Variants in DCC observed in about 807,000 individuals in gnomAD.
The protein encoded by DCC is netrin receptor DCC.
DCC carries 58 observed loss-of-function variants against 172.5 expected under a neutral mutation model. The ratio of observed to expected loss-of-function variants is 0.34; its 90% confidence interval spans 0.27 to 0.42. DCC has a LOEUF of 0.42. Among genes scored for constraint, DCC ranks in the 10% least tolerant of loss-of-function variants. The pLI is 1.00. For missense variants in DCC, 1,740 were observed against 1,791.0 expected (o/e 0.97, Z 0.51); for synonymous variants, 709 against 644.5 (o/e 1.10, Z -1.52).
intron 1 of DCC, among the ~76,000 whole-genome samples, chr18:52,437,034 C>T (rs774875285): frequency 1.3e-5 from 2 of 152,216 alleles, no homozygotes; most frequent in Non-Finnish European, 2.9e-5. Context: ...CCTAGTGTTA[C>T]TGGAAATTGA....
Position 52,340,776 on chromosome 18 carries a change from G to A in DCC, c.-12G>A. ...GCCCGCGACCCCTGGCCCCGAAGGT[G>A]TTGGCTGAAATATGGAGAATAGTCT... On this transcript the variant is annotated 5_prime_UTR_variant, in exon 1 of 29. Transcript: ENST00000442544. 6.2e-7 allele frequency: 1 copy of A among 1,612,408 alleles called. No individual in the cohort carries two copies. The highest frequency in any genetic ancestry group is 8.5e-7 in the Non-Finnish European group (1 of 1,178,490).
intron 12 of DCC, among the ~76,000 whole-genome samples, chr18:53,302,966 T>C (rs551731275): frequency 2.1e-4 from 32 of 152,338 alleles, no homozygotes; most frequent in African/African-American, 7.2e-4. Context: ...ATTTATTTTG[T>C]TTAATATTCC....
intron 3 of DCC, among the ~76,000 whole-genome samples, chr18:52,912,562 C>CTT (rs1429203663): frequency 1.5e-4 from 23 of 151,962 alleles, no homozygotes; most frequent in African/African-American, 5.6e-4. Context: ...TAACTTATTG[C>CTT]TACATGATTT....
At chr18:52,817,088 G>T (rs2038314161) in intron 2 of DCC, among the ~76,000 whole-genome samples, 1 of 151,902 alleles carries the variant, frequency 6.6e-6, no homozygotes, top group Admixed American at 6.6e-5. Context: ...TATATCCCTT[G>T]ATCCAAATTA....
chr18:52,493,588 ATTATT>A (rs150462704), intron 1 of DCC, among the ~76,000 whole-genome samples: 8,682 of 151,946 alleles, frequency 0.057, 300 homozygotes, highest in South Asian at 0.12. Flanking sequence ...GTTCATATAT[ATTATT>A]TTATTTGTTT....
intron 14 of DCC, among the ~76,000 whole-genome samples, chr18:53,332,732 G>A (rs1044081810): frequency 1.3e-5 from 2 of 152,120 alleles, no homozygotes; most frequent in Non-Finnish European, 2.9e-5. Context: ...TTTTGGCAGT[G>A]ATGGGATTTT....
intron 1 of DCC, among the ~76,000 whole-genome samples, chr18:52,427,771 A>G (rs1987477520): frequency 6.6e-6 from 1 of 151,352 alleles, no homozygotes; most frequent in Non-Finnish European, 1.5e-5. Flanking sequence ...CTTCTTCCTC[A>G]TAGAAATCAG....
At chr18:52,375,903 A>C (rs1321537159) in intron 1 of DCC, among the ~76,000 whole-genome samples, 1 of 152,224 alleles carries the variant, frequency 6.6e-6, no homozygotes, top group Admixed American at 6.5e-5. Flanking sequence ...TGGGGTGCTA[A>C]GTCACAGAGA....
intron 1 of DCC, among the ~76,000 whole-genome samples, chr18:52,605,857 C>A (rs1244042588): frequency 6.6e-6 from 1 of 152,032 alleles, no homozygotes; most frequent in African/African-American, 2.4e-5. Context: ...CCTCTGACAC[C>A]AGTCAGTAAT....
At chr18:52,679,731 G>A (rs1297016825) in intron 1 of DCC, among the ~76,000 whole-genome samples, 1 of 152,054 alleles carries the variant, frequency 6.6e-6, no homozygotes, top group African/African-American at 2.4e-5. Flanking sequence ...GAATCTATAA[G>A]TCTTTCTTGG....
chr18:53,429,983 T>C (rs1028709594), intron 21 of DCC, among the ~76,000 whole-genome samples: 1 of 152,118 alleles, frequency 6.6e-6, no homozygotes, highest in Admixed American at 6.6e-5. Flanking sequence ...AAAATCAGCA[T>C]TGTTATCAAC....
intron 1 of DCC, among the ~76,000 whole-genome samples, chr18:52,672,018 C>A (rs75592894): frequency 0.012 from 1,844 of 152,260 alleles, 48 homozygotes; most frequent in African/African-American, 0.042. Context: ...TTCTCCCTAT[C>A]TCCATCCCAG....
At chr18:52,830,294 G>GT (rs148487365) in intron 2 of DCC, among the ~76,000 whole-genome samples, 5 of 152,204 alleles carry the variant, frequency 3.3e-5, no homozygotes, top group South Asian at 2.1e-4. Context: ...TTGCAATTTA[G>GT]TTTTTTTAGC....
chr18:53,292,157 T>C (rs1486440941), intron 12 of DCC, among the ~76,000 whole-genome samples: 2 of 144,486 alleles, frequency 1.4e-5, no homozygotes, highest in African/African-American at 2.5e-5. Context: ...TACTCTGACA[T>C]TTGGGGATCA....
At chr18:52,696,441 CAG>C (rs1214868898) in intron 1 of DCC, among the ~76,000 whole-genome samples, 1 of 152,172 alleles carries the variant, frequency 6.6e-6, no homozygotes, top group Non-Finnish European at 1.5e-5. Flanking sequence ...AAAGGAGAAA[CAG>C]AAAGACCGAT....
chr18:53,523,653 C>A (rs2046424292), intron 27 of DCC, among the ~76,000 whole-genome samples: 1 of 152,106 alleles, frequency 6.6e-6, no homozygotes, highest in Non-Finnish European at 1.5e-5. Context: ...CAAACTAACA[C>A]AAGAACAGAA....
At chr18:53,500,715 A>C (rs1424414419) in intron 27 of DCC, among the ~76,000 whole-genome samples, 1 of 151,844 alleles carries the variant, frequency 6.6e-6, no homozygotes, top group East Asian at 1.9e-4. Context: ...GTGGAGCATG[A>C]AAGCATGTAG....
chr18:53,521,900 G>A (rs1338450384), intron 27 of DCC, among the ~76,000 whole-genome samples: 3 of 152,100 alleles, frequency 2.0e-5, no homozygotes, highest in Non-Finnish European at 4.4e-5. Context: ...AAATGCAGCT[G>A]CTGTGTTAAA....
chr18:52,398,459 G>A (rs1298127482), intron 1 of DCC, among the ~76,000 whole-genome samples: 1 of 151,800 alleles, frequency 6.6e-6, no homozygotes, highest in African/African-American at 2.4e-5. Flanking sequence ...GACATCCTTT[G>A]TATTGTAACT....
Sources: allele counts gnomAD v4.1 joint callset (sites outside exome capture counted in the v4.1 genomes callset), GRCh38; gene constraint gnomAD v4.1.1; transcripts MANE v1.5; gene names NCBI Gene and HGNC (gene_info 2026-07-23, HGNC 2026-07-21).